SLC4A5: variants seen among roughly 807,000 people sequenced by gnomAD.
The protein encoded by SLC4A5 is electrogenic sodium bicarbonate cotransporter 4.
SLC4A5 carries 96 observed loss-of-function variants against 120.4 expected under a neutral mutation model. That is an observed-to-expected ratio of 0.80 (90% CI 0.68 to 0.94). The LOEUF is 0.94. SLC4A5 is among the 40% of genes least tolerant of loss of function. The pLI is 0.00. For missense variants in SLC4A5, 1,259 were observed against 1,459.5 expected (o/e 0.86, Z 2.24); for synonymous variants, 550 against 571.1 (o/e 0.96, Z 0.53).
chr2:74,265,357 AT>A, intron 8 of SLC4A5, 93 bp from the exon 9 acceptor site: 5 of 1,446,376 alleles, frequency 3.5e-6, no homozygotes, highest in Non-Finnish European at 4.7e-6. Flanking sequence ...ATGTGGGTTC[AT>A]GCTATGTATG....
chr2:74,287,609 T>C (rs1475881320), intron 7 of SLC4A5, among the ~76,000 whole-genome samples: 1 of 152,154 alleles, frequency 6.6e-6, no homozygotes, highest in Non-Finnish European at 1.5e-5. Context: ...CTTCCATGCA[T>C]CCTTGTCAGC....
chr2:74,304,984 G>C (rs963356444), intron 6 of SLC4A5, among the ~76,000 whole-genome samples: 2 of 152,200 alleles, frequency 1.3e-5, no homozygotes, highest in Non-Finnish European at 2.9e-5. Context: ...ATGACACGTG[G>C]TTAAGGGGAA....
chr2:74,316,024 C>T (rs1034337233), intron 5 of SLC4A5, among the ~76,000 whole-genome samples: 1 of 151,920 alleles, frequency 6.6e-6, no homozygotes, highest in African/African-American at 2.4e-5. Flanking sequence ...AATCCTATGA[C>T]ATAAATAACA....
chr2:74,229,722 C>T (rs1694992385), intron 25 of SLC4A5, among the ~76,000 whole-genome samples: 1 of 152,132 alleles, frequency 6.6e-6, no homozygotes, highest in South Asian at 2.1e-4. Flanking sequence ...TTTGTTTCCC[C>T]CACAAGGGAA....
rs1670357883 is a variant in SLC4A5, at chr2:74,239,196, TTCTC to T, written c.2319+135_2319+138del. On this transcript the variant is annotated intron_variant, in intron 21 of 30. Transcript: ENST00000394019. The stretch of plus-strand genomic sequence containing the variant: ...GGGACCAGCCAACAAGGGAACACAG[TTCTC>T]TCTGACTTAACTTGAAAAACCCCAG... 2.4e-5 allele frequency: 17 copies of T among 711,796 alleles called. No individual in the cohort carries two copies. The South Asian group carries it at 2.9e-4, about 12-fold the overall frequency. 44.1% of individuals were successfully genotyped at this position (711,796 alleles called of 1,614,324 possible).
chr2:74,295,301 A>G (rs1479923312), intron 7 of SLC4A5, among the ~76,000 whole-genome samples: 1 of 152,140 alleles, frequency 6.6e-6, no homozygotes, highest in African/African-American at 2.4e-5. Flanking sequence ...TGGCCAGAGG[A>G]TTTTTAAGAA....
exon 15 of SLC4A5, chr2:74,253,128 G>T: frequency 6.2e-7 from 1 of 1,614,130 alleles, no homozygotes. Context: ...TCACTGAAGA[G>T]CTGGCGAGGA....
At chr2:74,253,264 T>C in intron 14 of SLC4A5, 136 bp from the exon 15 acceptor site, 1 of 1,050,084 alleles carries the variant, frequency 9.5e-7, no homozygotes, top group Non-Finnish European at 1.4e-6. Flanking sequence ...GTTTTTGGAA[T>C]GAGACTATAG....
intron 5 of SLC4A5, among the ~76,000 whole-genome samples, chr2:74,316,642 A>T (rs768383609): frequency 6.6e-6 from 1 of 152,236 alleles, no homozygotes; most frequent in African/African-American, 2.4e-5. Context: ...ACACGCCTAC[A>T]CTTGAAGAAT....
At position 74,277,250 on chromosome 2, in the gene SLC4A5, G is replaced by A. The variant is rs35837525; in HGVS notation, c.401+8523C>T. ...GCTGGGTGGGGGGCTCTTGACTCTC[G>A]TGTAAAGTACTGCTGCCGGCCAGGA... On this transcript the variant is annotated intron_variant, in intron 8 of 30. Transcript: ENST00000394019. Among the ~76,000 whole-genome samples, 17 of 152,226 alleles carry A rather than the reference G, an allele frequency of 1.1e-4. No individual in the cohort carries two copies. In the South Asian group the frequency reaches 2.3e-3, roughly 20 times the overall value.
chr2:74,302,912 C>G (rs1672515935), intron 7 of SLC4A5, among the ~76,000 whole-genome samples: 1 of 152,078 alleles, frequency 6.6e-6, no homozygotes, highest in African/African-American at 2.4e-5. Flanking sequence ...TCTCAGAGAC[C>G]ATGTCAGTAT....
intron 6 of SLC4A5, chr2:74,306,905 G>C: frequency 1.6e-6 from 1 of 627,432 alleles, no homozygotes. Flanking sequence ...CCTCCAGCTT[G>C]AGCTTGATGT....
intron 8 of SLC4A5, among the ~76,000 whole-genome samples, chr2:74,272,090 A>G (rs1671492573): frequency 1.3e-5 from 2 of 152,144 alleles, no homozygotes; most frequent in African/African-American, 4.8e-5. Context: ...AAAAAGAAAG[A>G]AAGAGGCCTT....
Position 74,250,338 on chromosome 2 carries a change from C to T in SLC4A5, c.1653+5G>A. On this transcript the variant is annotated splice_donor_5th_base_variant and intron_variant, in intron 17 of 30. Transcript: ENST00000394019. ...TTTACACTCAGGGCACCGGCTCGCACACACCTGATAATTGTCGGTGGCATC... is the reference window on the plus strand; with the variant it reads ...TTTACACTCAGGGCACCGGCTCGCATACACCTGATAATTGTCGGTGGCATC... The T allele has an allele frequency of 1.2e-6, 2 of 1,613,812 alleles. No homozygotes were observed. The highest frequency in any genetic ancestry group is 1.7e-6 in the Non-Finnish European group (2 of 1,179,870).
chr2:74,246,824 C>T (rs1670626537), intron 19 of SLC4A5, among the ~76,000 whole-genome samples: 1 of 152,318 alleles, frequency 6.6e-6, no homozygotes, highest in Non-Finnish European at 1.5e-5. Context: ...CCTGTGCCCT[C>T]CTGATGACAA....
At chr2:74,264,284 T>C (rs780307774) in exon 10 of SLC4A5, 2 of 1,614,068 alleles carry the variant, frequency 1.2e-6, no homozygotes, top group South Asian at 1.1e-5. Context: ...CTCAATCTGC[T>C]TCTCAATGAC....
intron 25 of SLC4A5, among the ~76,000 whole-genome samples, chr2:74,228,584 C>G (rs1276055419): frequency 6.6e-6 from 1 of 152,040 alleles, no homozygotes; most frequent in East Asian, 1.9e-4. Flanking sequence ...GAGCTGAGAT[C>G]GTGCTACTGA....
intron 6 of SLC4A5, among the ~76,000 whole-genome samples, chr2:74,313,217 A>T (rs1672863424): frequency 6.6e-6 from 1 of 151,782 alleles, no homozygotes; most frequent in African/African-American, 2.4e-5. Context: ...ACTTTATATG[A>T]TTCTGTTTTC....
chr2:74,221,437 C>A lies in SLC4A5; in HGVS notation c.*30G>T, dbSNP rs532425967. On this transcript the variant is annotated 3_prime_UTR_variant, in exon 30 of 31. Transcript: ENST00000394019. ...GAGTCTACCTAACAGTGTTTACCTT[C>A]GGTCAAGTTCTGTGTCACTGAAGGA... 3 of 1,610,432 alleles carry A rather than the reference C, an allele frequency of 1.9e-6. No homozygotes were observed. In the South Asian group the frequency reaches 3.3e-5, roughly 18 times the overall value.
Sources: allele counts gnomAD v4.1 joint callset (sites outside exome capture counted in the v4.1 genomes callset), GRCh38; gene constraint gnomAD v4.1.1; transcripts MANE v1.5; gene names NCBI Gene and HGNC (gene_info 2026-07-23, HGNC 2026-07-21).